The following PCDHGB1 variants were observed in gnomAD, a reference collection of about 807,000 sequenced individuals.
PCDHGB1 encodes protocadherin gamma-B1.
PCDHGB1 carries 34 observed loss-of-function variants against 56.6 expected under a neutral mutation model. That is an observed-to-expected ratio of 0.60 (90% confidence interval 0.46 to 0.80). PCDHGB1 has a LOEUF of 0.80. PCDHGB1 is among the 30% of genes least tolerant of loss of function. The probability of loss-of-function intolerance (pLI) is 0.00; values close to 1 mark genes in which losing one functional copy is unlikely to be tolerated. For missense variants in PCDHGB1, 1,278 were observed against 1,204.6 expected (o/e 1.06, Z -0.90); for synonymous variants, 561 against 505.9 (o/e 1.11, Z -1.46).
At chr5:141,395,072 T>C in intron 1 of PCDHGB1, 1 of 1,614,148 alleles carries the variant, frequency 6.2e-7, no homozygotes, top group Non-Finnish European at 8.5e-7. Context: ...TGCAGACCTA[T>C]TCCCAGGAAG....
intron 1 of PCDHGB1, chr5:141,383,413 C>T (rs1160072155): frequency 6.2e-7 from 1 of 1,614,020 alleles, no homozygotes. Context: ...GAGTTACCAG[C>T]TCAGCCCCAA....
At chr5:141,388,715 T>A (rs2091466126) in intron 1 of PCDHGB1, 1 of 1,613,878 alleles carries the variant, frequency 6.2e-7, no homozygotes, top group Non-Finnish European at 8.5e-7. Flanking sequence ...ATGCCGAGAT[T>A]ACTTTCTCTT....
In PCDHGB1 at chr5:141,379,889, C is replaced by CTTTTTTTTT. The variant is rs70988800; in HGVS notation, c.2409+27242_2409+27250dup. ...CTTATTTTATGGTCTGTGAAAGCCT[C>CTTTTTTTTT]TTTTTTTTTTTTTTTTTTTTTTTTT... is the stretch of plus-strand genomic sequence containing the variant. On this transcript the variant is annotated intron_variant, in intron 1 of 3. Transcript: ENST00000523390. Among the ~76,000 whole-genome samples the CTTTTTTTTT allele has an allele frequency of 5.8e-3, 297 of 50,818 alleles. 50 individuals are homozygous for CTTTTTTTTT. Among genetic ancestry groups the CTTTTTTTTT allele is most frequent in the African/African-American group, 9.2e-3 (138 of 15,074 alleles). The allele number at this position is 50,818 out of a possible 152,430, so 33.3% of individuals were successfully genotyped here.
At chr5:141,398,483 T>A (rs754131866) in intron 1 of PCDHGB1, 1 of 1,608,486 alleles carries the variant, frequency 6.2e-7, no homozygotes, top group Non-Finnish European at 8.5e-7. Flanking sequence ...TTTTATCACG[T>A]GAATGTGGAG....
At position 141,485,260 on chromosome 5, in the gene PCDHGB1, G is replaced by A. The variant is rs773919574; in HGVS notation, c.2410-9547G>A. On this transcript the variant is annotated intron_variant, in intron 1 of 3. Transcript: ENST00000523390. This position sits in a 1 kb window ranked among gnomAD's most constrained non-coding sequence, Gnocchi z 5.7. ...TTTACCACCTGGGTTACGTTTGTGG[G>A]CAGATCCGCTACCCGGTCCCAGAGG... The A allele has an allele frequency of 8.7e-6, 14 of 1,614,002 alleles. No individual in the cohort carries two copies. In the African/African-American group the frequency reaches 1.5e-4, roughly 17 times the overall value.
intron 1 of PCDHGB1, among the ~76,000 whole-genome samples, chr5:141,397,601 T>C (rs1225684125): frequency 5.3e-5 from 8 of 152,198 alleles, no homozygotes; most frequent in Admixed American, 3.3e-4. Flanking sequence ...ATATTGCCAG[T>C]GACAAGGGCA....
chr5:141,371,628 C>G (rs1247615659), intron 1 of PCDHGB1: 1 of 1,614,006 alleles, frequency 6.2e-7, no homozygotes, highest in Non-Finnish European at 8.5e-7. Flanking sequence ...AGCCCTGGAC[C>G]GGGAGCAGAT....
intron 1 of PCDHGB1, chr5:141,393,919 T>C: frequency 6.2e-7 from 1 of 1,613,992 alleles, no homozygotes; most frequent in Non-Finnish European, 8.5e-7. Flanking sequence ...ATTGCCTTCT[T>C]GAGTGTGCAT....
chr5:141,505,270 G>A (rs550800630), intron 2 of PCDHGB1, 123 bp from the exon 3 acceptor site: 103 of 1,520,724 alleles, frequency 6.8e-5, no homozygotes, highest in Middle Eastern at 4.6e-4. Context: ...CTTGCTGAGA[G>A]AAACAGGTCT....
rs2096205933 is a variant in PCDHGB1, at chr5:141,417,998, G to C, written c.2409+65329G>C. ...GGAGGAGCTGGCCAAGGGCTCGGTGGTGGGGAACCTCGCTAAGGATCTAGG... is the reference window on the plus strand; with the variant it reads ...GGAGGAGCTGGCCAAGGGCTCGGTGCTGGGGAACCTCGCTAAGGATCTAGG... On this transcript the variant is annotated intron_variant, in intron 1 of 3. Transcript: ENST00000523390. The C allele has an allele frequency of 1.9e-6, 3 of 1,613,928 alleles. No individual in the cohort carries two copies. The East Asian group carries it at 6.7e-5, about 36-fold the overall frequency.
intron 1 of PCDHGB1, chr5:141,433,307 C>T (rs982853368): frequency 2.2e-6 from 2 of 913,640 alleles, no homozygotes; most frequent in Admixed American, 2.7e-5. Context: ...AATTATCCCA[C>T]CTTTGCCTCC....
At chr5:141,466,457 A>G (rs969935541) in intron 1 of PCDHGB1, among the ~76,000 whole-genome samples, 12 of 152,146 alleles carry the variant, frequency 7.9e-5, no homozygotes, top group Admixed American at 6.6e-4. Context: ...GGTGTTGGCT[A>G]TTGTTTCTGC....
At chr5:141,414,097 T>C (rs1442366960) in intron 1 of PCDHGB1, 1 of 1,594,352 alleles carries the variant, frequency 6.3e-7, no homozygotes, top group South Asian at 1.1e-5. Context: ...AATAAAAATA[T>C]CAGAAAATCT....
At chr5:141,407,214 G>C (rs1230787104) in intron 1 of PCDHGB1, among the ~76,000 whole-genome samples, 2 of 152,146 alleles carry the variant, frequency 1.3e-5, no homozygotes, top group South Asian at 2.1e-4. Context: ...TCCCCCTTAA[G>C]TGGGTAGCAA....
intron 1 of PCDHGB1, chr5:141,365,975 A>T (rs1280013526): frequency 6.2e-7 from 1 of 1,614,108 alleles, no homozygotes; most frequent in Non-Finnish European, 8.5e-7. Context: ...CGTGTCGCTG[A>T]GCCTGTTTGT....
chr5:141,365,252 G>A, intron 1 of PCDHGB1: 1 of 1,613,916 alleles, frequency 6.2e-7, no homozygotes, highest in East Asian at 2.2e-5. Context: ...ACAATCACTG[G>A]ACTATGAAGA....
Position 141,489,765 on chromosome 5 carries a change from C to A in PCDHGB1, c.2410-5042C>A. On this transcript the variant is annotated intron_variant, in intron 1 of 3. Transcript: ENST00000523390. The surrounding 1 kb of genome is among the most constrained non-coding windows in gnomAD (Gnocchi z 4.5). ...TGAGCTTTTACACTCTAAGCCCCAA[C>A]AGCCACTTCTCTCTGAATGTGAAGA... 2.5e-6 allele frequency: 4 copies of A among 1,614,174 alleles called. No individual in the cohort carries two copies. The highest frequency in any genetic ancestry group is 3.4e-6 in the Non-Finnish European group (4 of 1,179,992).
intron 3 of PCDHGB1, among the ~76,000 whole-genome samples, chr5:141,510,266 C>T (rs1202092142): frequency 7.0e-6 from 1 of 143,198 alleles, no homozygotes; most frequent in Non-Finnish European, 1.5e-5. Flanking sequence ...GAGCAGGACT[C>T]CATCTTAAAA....
At chr5:141,467,431 C>T (rs1452587540) in intron 1 of PCDHGB1, among the ~76,000 whole-genome samples, 1 of 152,170 alleles carries the variant, frequency 6.6e-6, no homozygotes, top group African/African-American at 2.4e-5. Flanking sequence ...GTTATAGAAA[C>T]ATTCATTACT....
Sources: gnomAD v4.1 joint callset for allele counts (sites outside exome capture counted in the v4.1 genomes callset) on GRCh38, gnomAD v4.1.1 for gene constraint, Gnocchi (gnomAD v3.1) non-coding constraint, MANE v1.5 for transcripts, NCBI Gene and HGNC (gene_info 2026-07-23, HGNC 2026-07-21) for gene names.